PLEKHA2: variants seen among roughly 807,000 people sequenced by gnomAD.
PLEKHA2 encodes pleckstrin homology domain containing A2.
In PLEKHA2, 28 loss-of-function variants were observed where a neutral mutation model predicts 53.2. The observed-to-expected ratio is 0.53, with a 90% CI of 0.39 to 0.72. The LOEUF is 0.72. Ranked by LOEUF, PLEKHA2 falls within the 30% of genes least tolerant of loss-of-function variation. The pLI is 0.00. For synonymous variants in PLEKHA2, 193 were observed against 196.4 expected, an observed-to-expected ratio of 0.98 and a Z score of 0.14; for missense variants, 426 against 537.9, an observed-to-expected ratio of 0.79 and a Z score of 2.06.
At chr8:38,957,450 G>A (rs1367749677) in intron 10 of PLEKHA2, 64 bp downstream of exon 10, 20 of 1,366,748 alleles carry the variant, frequency 1.5e-5, no homozygotes, top group Middle Eastern at 1.8e-4. Flanking sequence ...CTCACAGGCC[G>A]TGTCCTTTCC....
chr8:38,953,261 A>C, intron 8 of PLEKHA2, 36 bp from the exon 9 acceptor site: 6 of 1,545,062 alleles, frequency 3.9e-6, no homozygotes, highest in Non-Finnish European at 5.4e-6. Flanking sequence ...TGACACAGAC[A>C]GCCTCACTTA....
chr8:38,919,021 C>T (rs563698133), intron 2 of PLEKHA2, among the ~76,000 whole-genome samples: 3 of 152,326 alleles, frequency 2.0e-5, no homozygotes, highest in East Asian at 1.9e-4. Flanking sequence ...CTCTTCCAGT[C>T]TGGGGGCCCC....
intron 9 of PLEKHA2, among the ~76,000 whole-genome samples, chr8:38,956,488 A>G (rs1009768751): frequency 5.9e-5 from 9 of 152,152 alleles, no homozygotes; most frequent in South Asian, 2.1e-4. Flanking sequence ...GGAGAGGCCA[A>G]TGGCAGTGGA....
chr8:38,954,988 C>G (rs778775887), intron 9 of PLEKHA2, among the ~76,000 whole-genome samples: 2 of 152,248 alleles, frequency 1.3e-5, no homozygotes, highest in South Asian at 2.1e-4. Context: ...GAGCCAAGAT[C>G]GTGCCACTGC....
In PLEKHA2 at chr8:38,972,754, C is replaced by T. The variant is rs1438372986; in HGVS notation, c.*2971C>T. On this transcript the variant is annotated 3_prime_UTR_variant, in exon 12 of 12. Transcript: ENST00000617275. ...AGATTAGTGACTAAGTGCATAGGCT[C>T]TGGAGTAAATCTGAGTTTTTTTTTT... The T allele has an allele frequency of 6.6e-6, 1 of 150,472 alleles. No homozygotes were observed. The highest frequency in any genetic ancestry group is 1.5e-5 in the Non-Finnish European group (1 of 67,828). 9.3% of individuals were successfully genotyped at this position (150,472 alleles called of 1,614,324 possible).
chr8:38,946,281 C>T (rs1328717308), intron 5 of PLEKHA2, 60 bp downstream of exon 5: 1 of 1,435,286 alleles, frequency 7.0e-7, no homozygotes, highest in Non-Finnish European at 9.6e-7. Context: ...CAGGCTATGG[C>T]CTTGTTGGGG....
chr8:38,943,779 T>C lies in PLEKHA2; in HGVS notation c.199-10T>C. 2 of 1,549,656 alleles carry C rather than the reference T, an allele frequency of 1.3e-6. No individual in the cohort carries two copies. Among genetic ancestry groups the C allele is most frequent in the African/African-American group, 1.4e-5 (1 of 72,864 alleles). ...ATATTCATGTTTCTTTTATTTCTTA[T>C]TTGATTTAGGTGAGCATAGCTACCC... is the stretch of plus-strand genomic sequence containing the variant. On this transcript the variant is annotated splice_polypyrimidine_tract_variant and intron_variant, in intron 3 of 11. Transcript: ENST00000617275.
At chr8:38,952,846 G>T in intron 8 of PLEKHA2, 142 bp downstream of exon 8, 2 of 811,332 alleles carry the variant, frequency 2.5e-6, no homozygotes, top group Non-Finnish European at 4.0e-6. Flanking sequence ...TCCATTCTGT[G>T]CACACATCTT....
At chr8:38,953,395 A>C (rs1316054732) in intron 9 of PLEKHA2, 28 bp downstream of exon 9, 1 of 1,560,088 alleles carries the variant, frequency 6.4e-7, no homozygotes. Context: ...TTCTCTTCTA[A>C]TCCAAACCTC....
At chr8:38,906,550 G>A (rs1833877896) in intron 1 of PLEKHA2, among the ~76,000 whole-genome samples, 4 of 152,224 alleles carry the variant, frequency 2.6e-5, no homozygotes, top group Non-Finnish European at 5.9e-5. Context: ...TCCTGTACAT[G>A]TTTGCATTCC....
At chr8:38,930,294 T>C (rs1268232544) in intron 2 of PLEKHA2, among the ~76,000 whole-genome samples, 4 of 152,092 alleles carry the variant, frequency 2.6e-5, no homozygotes, top group African/African-American at 9.7e-5. Context: ...CTTCGCCTCC[T>C]GGGTTCAAGC....
At chr8:38,924,565 G>A (rs1188816510) in intron 2 of PLEKHA2, among the ~76,000 whole-genome samples, 1 of 152,184 alleles carries the variant, frequency 6.6e-6, no homozygotes, top group Middle Eastern at 3.2e-3. Context: ...TCAGGGAGCT[G>A]GGCTTTCGTG....
chr8:38,962,798 C>T (rs1481421251), intron 10 of PLEKHA2, among the ~76,000 whole-genome samples: 2 of 152,202 alleles, frequency 1.3e-5, no homozygotes, highest in Non-Finnish European at 2.9e-5. Flanking sequence ...ACAAGAGTAG[C>T]AATAAGTGGA....
intron 5 of PLEKHA2, among the ~76,000 whole-genome samples, chr8:38,950,269 A>G (rs1834803260): frequency 1.3e-5 from 2 of 152,140 alleles, no homozygotes; most frequent in East Asian, 1.9e-4. Flanking sequence ...CCTGGGCTCA[A>G]GTGACCCTCC....
chr8:38,914,122 T>A (rs889981545), intron 1 of PLEKHA2, among the ~76,000 whole-genome samples: 5 of 152,220 alleles, frequency 3.3e-5, no homozygotes, highest in Non-Finnish European at 7.3e-5. Context: ...GCTGTGCTGT[T>A]TCACCTCTGT....
intron 1 of PLEKHA2, among the ~76,000 whole-genome samples, chr8:38,916,101 G>A (rs925650380): frequency 2.6e-5 from 4 of 152,034 alleles, no homozygotes; most frequent in African/African-American, 9.7e-5. Flanking sequence ...TCAGCCTCCT[G>A]AGTAGCTGGG....
intron 10 of PLEKHA2, among the ~76,000 whole-genome samples, chr8:38,968,143 A>G (rs147036074): frequency 1.9e-3 from 291 of 152,238 alleles, no homozygotes; most frequent in African/African-American, 5.0e-3. Context: ...TGAAAGTGGG[A>G]TTATTCTGTT....
At position 38,971,124 on chromosome 8, in the gene PLEKHA2, C is replaced by A. The variant is rs553199725; in HGVS notation, c.*1341C>A. 2.0e-5 allele frequency: 3 copies of A among 152,298 alleles called. No homozygotes were observed. In the South Asian group the frequency reaches 6.2e-4, roughly 32 times the overall value. The allele number at this position is 152,298 out of a possible 1,614,324, so 9.4% of individuals were successfully genotyped here. On this transcript the variant is annotated 3_prime_UTR_variant, in exon 12 of 12. Coordinates refer to ENST00000617275, the MANE Select transcript of PLEKHA2 (RefSeq NM_021623.2). ...AGGTGAAAACACTTGATGAGAAAAT[C>A]CTTTGTGGCTTGAGGGGAATCATGT...
chr8:38,945,136 A>G (rs890488478), intron 4 of PLEKHA2, among the ~76,000 whole-genome samples: 1 of 152,218 alleles, frequency 6.6e-6, no homozygotes, highest in Admixed American at 6.5e-5. Flanking sequence ...CCATCATCAA[A>G]TAGTTACTTG....
Sources: allele counts gnomAD v4.1 joint callset (sites outside exome capture counted in the v4.1 genomes callset), GRCh38; gene constraint gnomAD v4.1.1; transcripts MANE v1.5; gene names NCBI Gene and HGNC (gene_info 2026-07-23, HGNC 2026-07-21).